EIF3B: variants seen among roughly 807,000 people sequenced by gnomAD.
EIF3B encodes eukaryotic translation initiation factor 3 subunit 9.
Under a neutral mutation model 104.6 loss-of-function variants are expected in EIF3B, and 10 were observed. That is an observed-to-expected ratio of 0.10 (90% CI 0.06 to 0.16). EIF3B has a LOEUF of 0.16. Among genes scored for constraint, EIF3B ranks in the 10% least tolerant of loss-of-function variants. EIF3B has a pLI of 1.00. For missense variants in EIF3B, 1,014 were observed against 1,087.9 expected (o/e 0.93, Z 0.96); for synonymous variants, 542 against 417.2 (o/e 1.30, Z -3.65).
intron 8 of EIF3B, 96 bp downstream of exon 8, chr7:2,366,687 G>C (rs1319139686): frequency 7.1e-7 from 1 of 1,412,288 alleles, no homozygotes; most frequent in African/African-American, 1.4e-5. Flanking sequence ...AGGAGGAGGA[G>C]GTTTCACAGA....
chr7:2,356,497 G>A (rs1276260799), intron 1 of EIF3B, among the ~76,000 whole-genome samples: 1 of 151,878 alleles, frequency 6.6e-6, no homozygotes, highest in African/African-American at 2.4e-5. Flanking sequence ...CAGCTACTCT[G>A]GAGGCTGAGG....
intron 10 of EIF3B, 82 bp downstream of exon 10, chr7:2,369,764 G>GTTTT: frequency 1.9e-6 from 1 of 515,096 alleles, no homozygotes; most frequent in Non-Finnish European, 3.1e-6. Context: ...GGTGTTAATG[G>GTTTT]ATTTTTTTTT....
At chr7:2,374,849 A>AC in intron 13 of EIF3B, 2 of 432,084 alleles carry the variant, frequency 4.6e-6, no homozygotes, top group Admixed American at 7.6e-5. Flanking sequence ...GACCAGGCAG[A>AC]CCTGTCTGCG....
intron 18 of EIF3B, 80 bp downstream of exon 18, chr7:2,379,591 C>A: frequency 1.1e-6 from 1 of 912,910 alleles, no homozygotes; most frequent in Admixed American, 2.1e-5. Context: ...TGAGGAAGCA[C>A]CTCCTTTAAG....
intron 18 of EIF3B, 21 bp downstream of exon 18, chr7:2,379,532 C>T (rs371392032): frequency 2.7e-4 from 393 of 1,460,926 alleles, no homozygotes; most frequent in Non-Finnish European, 3.5e-4. Context: ...GCAGGGGGCG[C>T]GATGGGGGTC....
intron 1 of EIF3B, among the ~76,000 whole-genome samples, chr7:2,355,979 C>T (rs1779406246): frequency 1.3e-5 from 2 of 152,186 alleles, no homozygotes; most frequent in Admixed American, 1.3e-4. Context: ...TGCGCTAAAT[C>T]TATAAAGAGA....
chr7:2,371,039 G>A (rs1055142409), intron 10 of EIF3B, among the ~76,000 whole-genome samples: 1 of 152,116 alleles, frequency 6.6e-6, no homozygotes, highest in Admixed American at 6.5e-5. Context: ...CTCCAGCCTG[G>A]GCAACAGAGT....
At chr7:2,375,594 C>A (rs1292749241) in intron 14 of EIF3B, 67 bp downstream of exon 14, 3 of 1,606,540 alleles carry the variant, frequency 1.9e-6, no homozygotes, top group South Asian at 1.1e-5. Context: ...GCTGCTGACT[C>A]TGGTGCTGTC....
At chr7:2,360,989 T>G in intron 2 of EIF3B, 87 bp downstream of exon 2, 2 of 1,171,980 alleles carry the variant, frequency 1.7e-6, no homozygotes, top group South Asian at 1.5e-5. Context: ...CTAACACAGC[T>G]CCTGCCTTGC....
In EIF3B at chr7:2,364,401, T is replaced by G; in HGVS notation, c.1029T>G (p.Ser343=). 1 of 1,609,424 alleles carries G rather than the reference T, an allele frequency of 6.2e-7. No individual in the cohort carries two copies. Among genetic ancestry groups the G allele is most frequent in the Non-Finnish European group, 8.5e-7 (1 of 1,178,528 alleles). ...ARWTETYVRW[S]PKGTYLATFH... The stretch of plus-strand genomic sequence containing the variant: ...GGACAGAGACGTATGTGCGTTGGTC[T>G]CCTAAGGGCACCTACCTGGCTACCT... The change falls in exon 6 of 19, where the codon TCT becomes TCG. Residue 343 remains serine (S), a synonymous_variant. Transcript: ENST00000360876.
chr7:2,360,988 C>G, intron 2 of EIF3B, 86 bp downstream of exon 2: 1 of 1,176,114 alleles, frequency 8.5e-7, no homozygotes, highest in South Asian at 1.5e-5. Context: ...ACTAACACAG[C>G]TCCTGCCTTG....
rs1779686846 is a variant in EIF3B, at chr7:2,360,805, C to A, written c.595C>A (p.Arg199=). Residue 199 remains arginine, a synonymous_variant, in exon 2 of 19, where the codon CGA becomes AGA. Transcript: ENST00000360876. ...VDNVPQVGPD[R]LEKLKNVIHK... is the part of the protein sequence containing the mutation. Reference sequence around the variant, plus strand: ...CAATGTCCCTCAGGTGGGACCCGACCGACTTGAGAAACTCAAAAATGTCAT... The same window carrying A: ...CAATGTCCCTCAGGTGGGACCCGACAGACTTGAGAAACTCAAAAATGTCAT... 2 of 1,613,678 alleles carry A rather than the reference C, an allele frequency of 1.2e-6. No individual in the cohort carries two copies. Among genetic ancestry groups the A allele is most frequent in the East Asian group, 2.2e-5 (1 of 44,878 alleles).
chr7:2,376,878 C>T, intron 14 of EIF3B, 72 bp from the exon 15 acceptor site: 1 of 1,558,476 alleles, frequency 6.4e-7, no homozygotes, highest in Non-Finnish European at 8.7e-7. Context: ...GGACCTTGTT[C>T]AGCAAGTGAC....
At position 2,364,537 on chromosome 7, in the gene EIF3B, G is replaced by T; in HGVS notation, c.1157+8G>T. The T allele has an allele frequency of 6.2e-7, 1 of 1,609,794 alleles. No homozygotes were observed. The highest frequency in any genetic ancestry group is 1.1e-5 in the South Asian group (1 of 89,772). On this transcript the variant is annotated splice_region_variant and intron_variant, in intron 6 of 18. Coordinates refer to ENST00000360876, the MANE Select transcript of EIF3B (RefSeq NM_001037283.2). ...CTTCTCACCTTGTGAAAGGTAAGCTGCTAGAAAAACACAGGGGAGTCTATG... is the reference window on the plus strand; with the variant it reads ...CTTCTCACCTTGTGAAAGGTAAGCTTCTAGAAAAACACAGGGGAGTCTATG...
At chr7:2,367,419 C>T (rs898157210) in intron 9 of EIF3B, among the ~76,000 whole-genome samples, 1 of 151,268 alleles carries the variant, frequency 6.6e-6, no homozygotes, top group Non-Finnish European at 1.5e-5. Context: ...GGGACACAGA[C>T]GTGGTCCATT....
intron 9 of EIF3B, among the ~76,000 whole-genome samples, chr7:2,368,396 C>T (rs1478503000): frequency 3.3e-5 from 5 of 152,154 alleles, no homozygotes; most frequent in Non-Finnish European, 7.4e-5. Flanking sequence ...TCCGCCTGCC[C>T]GCCTCAGCCT....
At chr7:2,379,737 T>C (rs1265069171) in intron 18 of EIF3B, 1 of 525,798 alleles carries the variant, frequency 1.9e-6, no homozygotes, top group Non-Finnish European at 3.4e-6. Flanking sequence ...CAGGCAGTGC[T>C]GGGTGAGGGA....
At chr7:2,363,217 C>A in intron 4 of EIF3B, 90 bp downstream of exon 4, 2 of 1,328,706 alleles carry the variant, frequency 1.5e-6, no homozygotes, top group Non-Finnish European at 2.2e-6. Context: ...CTTAGGGAGG[C>A]TGAGGTGGGA....
chr7:2,375,064 C>G (rs1780559936), intron 13 of EIF3B: 1 of 376,564 alleles, frequency 2.7e-6, no homozygotes, highest in African/African-American at 2.0e-5. Flanking sequence ...GCTTTCTGCT[C>G]TGAGTTAAAA....
Sources: gnomAD v4.1 joint callset for allele counts (sites outside exome capture counted in the v4.1 genomes callset) on GRCh38, gnomAD v4.1.1 for gene constraint, MANE v1.5 for transcripts, NCBI Gene and HGNC (gene_info 2026-07-23, HGNC 2026-07-21) for gene names.